Variants in MSI2 observed in about 807,000 individuals in gnomAD.
MSI2 encodes the protein musashi RNA binding protein 2, also known as RNA-binding protein Musashi homolog 2.
Under a neutral mutation model 45.6 loss-of-function variants are expected in MSI2, and 17 were observed. The observed-to-expected ratio is 0.37, with a 90% CI of 0.26 to 0.56. MSI2 has a LOEUF of 0.56. Among genes scored for constraint, MSI2 ranks in the 20% least tolerant of loss-of-function variants. The pLI is 0.77. For missense variants in MSI2, 293 were observed against 444.2 expected (o/e 0.66, Z 3.06); for synonymous variants, 156 against 158.2 (o/e 0.99, Z 0.11).
At chr17:57,258,164 T>TG (rs950865519) in intron 3 of MSI2, 106 bp from the exon 4 acceptor site, 3 of 906,536 alleles carry the variant, frequency 3.3e-6, no homozygotes, top group African/African-American at 3.3e-5. Flanking sequence ...TGGGGGTGCG[T>TG]GGGGGGCAAC....
intron 5 of MSI2, among the ~76,000 whole-genome samples, chr17:57,286,886 C>T (rs922197438): frequency 6.6e-6 from 1 of 152,092 alleles, no homozygotes; most frequent in African/African-American, 2.4e-5. Context: ...CAGTCTGGCT[C>T]ATTAAAATGC....
chr17:57,498,933 A>G (rs1353341257), intron 6 of MSI2, among the ~76,000 whole-genome samples: 3 of 106,826 alleles, frequency 2.8e-5, no homozygotes, highest in Non-Finnish European at 5.5e-5. Context: ...CCACCCCACA[A>G]CAGGCCCCGG....
chr17:57,390,467 C>G (rs2083769837), intron 5 of MSI2, among the ~76,000 whole-genome samples: 1 of 152,158 alleles, frequency 6.6e-6, no homozygotes, highest in Non-Finnish European at 1.5e-5. Context: ...GCAGGCCATG[C>G]GAATGTGCAG....
Position 57,285,465 on chromosome 17 carries a change from A to T in MSI2, c.312+23273A>T, listed in dbSNP as rs979796993. 2.0e-5 allele frequency among the ~76,000 whole-genome samples: 3 copies of T among 152,234 alleles called. No homozygotes were observed. In the South Asian group the frequency reaches 6.2e-4, roughly 32 times the overall value. On this transcript the variant is annotated intron_variant, in intron 5 of 13. Coordinates refer to ENST00000284073, the MANE Select transcript of MSI2 (RefSeq NM_138962.4). ...GTTTTCCATTTTCACGGTGAACCGCATTGTCTCAGCGTTCGCTGGTATTCA... is the reference window on the plus strand; with the variant it reads ...GTTTTCCATTTTCACGGTGAACCGCTTTGTCTCAGCGTTCGCTGGTATTCA...
chr17:57,657,286 T>C (rs1488771876), intron 11 of MSI2, among the ~76,000 whole-genome samples: 2 of 152,192 alleles, frequency 1.3e-5, no homozygotes, highest in Non-Finnish European at 2.9e-5. Flanking sequence ...AAGATAAATC[T>C]GGAAGGAGCT....
chr17:57,697,165 G>C, the MSI2 span, among the ~76,000 whole-genome samples: 2 of 13,364 alleles, frequency 1.5e-4, no homozygotes, highest in Non-Finnish European at 3.7e-4. Context: ...CACACACACA[G>C]GCTCTCTCCT....
chr17:57,284,458 GT>G (rs935581020), intron 5 of MSI2, among the ~76,000 whole-genome samples: 44 of 152,240 alleles, frequency 2.9e-4, no homozygotes, highest in African/African-American at 1.0e-3. Flanking sequence ...GTGCCTGTGT[GT>G]TTTTTCTCTT....
chr17:57,645,537 G>C (rs1303111625), intron 10 of MSI2, among the ~76,000 whole-genome samples: 2 of 151,836 alleles, frequency 1.3e-5, no homozygotes, highest in Non-Finnish European at 2.9e-5. Flanking sequence ...CTGGGTTCAA[G>C]TGATAGTCAT....
chr17:57,570,802 A>G (rs750041472), intron 7 of MSI2, among the ~76,000 whole-genome samples: 3 of 152,144 alleles, frequency 2.0e-5, no homozygotes, highest in Non-Finnish European at 4.4e-5. Context: ...CTTGGGATGC[A>G]TGGTATGCAG....
intron 6 of MSI2, among the ~76,000 whole-genome samples, chr17:57,523,899 C>T (rs969723417): frequency 6.6e-6 from 1 of 152,034 alleles, no homozygotes; most frequent in Admixed American, 6.6e-5. Flanking sequence ...GAATGAGGAC[C>T]ACGTATGAGT....
chr17:57,517,644 C>G (rs1406252577), intron 6 of MSI2, among the ~76,000 whole-genome samples: 1 of 152,222 alleles, frequency 6.6e-6, no homozygotes, highest in East Asian at 1.9e-4. Context: ...AACTTCCTCT[C>G]TCCCTCGGTT....
At chr17:57,342,151 G>T (rs1915221867) in intron 5 of MSI2, among the ~76,000 whole-genome samples, 1 of 152,228 alleles carries the variant, frequency 6.6e-6, no homozygotes, top group African/African-American at 2.4e-5. Context: ...TAATGAGAAT[G>T]TGGGAGATAC....
At chr17:57,315,609 T>G (rs980318972) in intron 5 of MSI2, among the ~76,000 whole-genome samples, 1 of 152,048 alleles carries the variant, frequency 6.6e-6, no homozygotes, top group African/African-American at 2.4e-5. Flanking sequence ...AGATAAGCTC[T>G]CCAAAGCCCA....
chr17:57,481,034 G>A (rs2085637893), intron 6 of MSI2, among the ~76,000 whole-genome samples: 1 of 152,132 alleles, frequency 6.6e-6, no homozygotes, highest in Non-Finnish European at 1.5e-5. Flanking sequence ...AGTACAGGAT[G>A]GTATACACAA....
intron 6 of MSI2, among the ~76,000 whole-genome samples, chr17:57,445,733 T>C (rs1337806475): frequency 6.6e-6 from 1 of 152,104 alleles, no homozygotes; most frequent in Non-Finnish European, 1.5e-5. Context: ...GCAACTAGTT[T>C]TTGTGAATTC....
chr17:57,634,933 C>T (rs1235953243), intron 10 of MSI2, among the ~76,000 whole-genome samples: 2 of 152,226 alleles, frequency 1.3e-5, no homozygotes, highest in Admixed American at 6.5e-5. Flanking sequence ...TCATGCAGGA[C>T]ATTTTGCTTA....
chr17:57,699,278 A>G, the MSI2 span, among the ~76,000 whole-genome samples: 2 of 146,890 alleles, frequency 1.4e-5, no homozygotes, highest in Non-Finnish European at 3.0e-5. Context: ...AGAGCCAGGG[A>G]GAGAGAGAGA....
intron 5 of MSI2, among the ~76,000 whole-genome samples, chr17:57,330,338 G>A (rs1463176909): frequency 2.7e-5 from 4 of 150,046 alleles, no homozygotes; most frequent in Admixed American, 2.7e-4. Context: ...AGGCTGGAGT[G>A]CAGTGGCGTG....
intron 6 of MSI2, among the ~76,000 whole-genome samples, chr17:57,433,336 A>G (rs1211294108): frequency 6.6e-6 from 1 of 152,202 alleles, no homozygotes; most frequent in African/African-American, 2.4e-5. Flanking sequence ...TAATGCAGTG[A>G]CTGGTATCCT....
Sources: gnomAD v4.1 joint callset for allele counts (sites outside exome capture counted in the v4.1 genomes callset) on GRCh38, gnomAD v4.1.1 for gene constraint, MANE v1.5 for transcripts, NCBI Gene and HGNC (gene_info 2026-07-23, HGNC 2026-07-21) for gene names.